The following GNA13 variants were observed in gnomAD, a reference collection of about 807,000 sequenced individuals.
The protein encoded by GNA13 is guanine nucleotide-binding protein subunit alpha-13.
A neutral mutation model predicts 33.5 loss-of-function variants in GNA13; 4 were observed. The ratio of observed to expected loss-of-function variants is 0.12; its 90% confidence interval spans 0.06 to 0.27. The LOEUF (loss-of-function observed/expected upper bound fraction) is 0.27. Ranked by LOEUF, GNA13 falls within the 10% of genes least tolerant of loss-of-function variation. The pLI, the probability that GNA13 is intolerant of heterozygous loss-of-function variation, is 1.00. For synonymous variants in GNA13, 176 were observed against 183.8 expected (o/e 0.96, Z 0.34); for missense variants, 319 against 487.2 (o/e 0.65, Z 3.25).
At chr17:65,025,189 C>T (rs1435486992) in intron 2 of GNA13, among the ~76,000 whole-genome samples, 1 of 152,162 alleles carries the variant, frequency 6.6e-6, no homozygotes, top group African/African-American at 2.4e-5. Flanking sequence ...TGAGCCACTA[C>T]ACCCAGCTGT....
At chr17:65,021,341 G>A (rs879291352) in intron 2 of GNA13, among the ~76,000 whole-genome samples, 1 of 152,136 alleles carries the variant, frequency 6.6e-6, no homozygotes, top group Non-Finnish European at 1.5e-5. Flanking sequence ...GTCTAAGCTG[G>A]GAATGGCTTC....
At chr17:65,042,703 C>CT (rs1163936173) in intron 2 of GNA13, among the ~76,000 whole-genome samples, 1 of 152,062 alleles carries the variant, frequency 6.6e-6, no homozygotes, top group Non-Finnish European at 1.5e-5. Context: ...CGCCACTGCA[C>CT]TCCAGCCTGG....
rs546845469 is a variant in GNA13, at chr17:65,010,051, CCTT to C, written c.*4203_*4205del. Reference sequence around the variant, plus strand: ...AGATTTGTATATGTCACAAAACTCTCCTTATCAAGACATAAAATATTGCCATAT... The same window carrying C: ...AGATTTGTATATGTCACAAAACTCTCATCAAGACATAAAATATTGCCATAT... On this transcript the variant is annotated 3_prime_UTR_variant, in exon 4 of 4. Transcript: ENST00000439174. Among the ~76,000 whole-genome samples the C allele has an allele frequency of 1.1e-4, 17 of 152,306 alleles. No homozygotes were observed. Among genetic ancestry groups the C allele is most frequent in the Admixed American group, 2.6e-4 (4 of 15,302 alleles).
At chr17:65,047,117 T>A (rs551410129) in intron 2 of GNA13, among the ~76,000 whole-genome samples, 6 of 152,240 alleles carry the variant, frequency 3.9e-5, no homozygotes, top group Non-Finnish European at 7.3e-5. Flanking sequence ...AAAAACTTCA[T>A]TTTTAACGTA....
rs370649169 is a variant in GNA13 at position 65,014,868 on chromosome 17, G to A, written c.562-39C>T. ...AACTTGTTTTATACCTATTAATCCCGAAGTAATGCGAATTTTTAATGGACT... is the reference window on the plus strand; with the variant it reads ...AACTTGTTTTATACCTATTAATCCCAAAGTAATGCGAATTTTTAATGGACT... On this transcript the variant is annotated intron_variant, in intron 3 of 3. Transcript: ENST00000439174. The surrounding 1 kb of genome is among the most constrained non-coding windows in gnomAD (Gnocchi z 5.3). The A allele has an allele frequency of 2.2e-5, 27 of 1,253,400 alleles. No individual in the cohort carries two copies. Among genetic ancestry groups the A allele is most frequent in the African/African-American group, 7.5e-5 (5 of 66,540 alleles). The allele number at this position is 1,253,400 out of a possible 1,614,324, so 77.6% of individuals were successfully genotyped here.
At chr17:65,056,246 C>CCCCGCCG in intron 1 of GNA13, 65 bp downstream of exon 1, 2 of 1,031,290 alleles carry the variant, frequency 1.9e-6, no homozygotes, top group Non-Finnish European at 2.8e-6. Flanking sequence ...GGTGCCCCGC[C>CCCCGCCG]CCGCACCCGC....
intron 1 of GNA13, 38 bp downstream of exon 1, chr17:65,056,273 C>CCCA: frequency 1.4e-6 from 2 of 1,428,248 alleles, no homozygotes; most frequent in Non-Finnish European, 1.9e-6. Flanking sequence ...CCCAGCCCCC[C>CCCA]TGCCCTTAAC....
chr17:65,056,722 G>C lies in GNA13; in HGVS notation c.-129C>G. 1.8e-6 allele frequency: 1 copy of C among 544,306 alleles called. No homozygotes were observed. Among genetic ancestry groups the C allele is most frequent in the Non-Finnish European group, 2.8e-6 (1 of 360,962 alleles). 33.7% of individuals were successfully genotyped at this position (544,306 alleles called of 1,614,324 possible). Reference sequence around the variant, plus strand: ...GCGGCGGCCCGAGCGCGCCCAGGGAGGGAGGGAACCAGCGAACTGACTCGC... The same window carrying C: ...GCGGCGGCCCGAGCGCGCCCAGGGACGGAGGGAACCAGCGAACTGACTCGC... On this transcript the variant is annotated 5_prime_UTR_variant, in exon 1 of 4. Transcript: ENST00000439174.
chr17:65,040,030 T>C (rs1462273280), intron 2 of GNA13, among the ~76,000 whole-genome samples: 1 of 152,148 alleles, frequency 6.6e-6, no homozygotes, highest in East Asian at 1.9e-4. Context: ...AAATATCACA[T>C]GAACATATTC....
rs900334057 is a variant in GNA13 at position 65,053,315 on chromosome 17, A to G, written c.510+187T>C. The G allele has an allele frequency of 1.9e-5, 11 of 582,576 alleles. No homozygotes were observed. In the Admixed American group the frequency reaches 2.5e-4, roughly 13 times the overall value. 36.1% of individuals were successfully genotyped at this position (582,576 alleles called of 1,614,324 possible). A position where few individuals can be genotyped will look rare whatever the true frequency, so the allele number is the denominator to read the frequency against. On this transcript the variant is annotated intron_variant, in intron 2 of 3. Transcript: ENST00000439174. ...TAGCCTAAAGGTAATTTTATACACT[A>G]TTTTTACACGTAGTCATTAGAGACT...
At chr17:65,034,957 G>C (rs1348670576) in intron 2 of GNA13, among the ~76,000 whole-genome samples, 2 of 152,048 alleles carry the variant, frequency 1.3e-5, no homozygotes, top group Admixed American at 6.6e-5. Context: ...GGCTAATTTT[G>C]TATTTTTAGT....
In GNA13 at chr17:65,056,648, C is replaced by T; in HGVS notation, c.-55G>A. The T allele has an allele frequency of 6.8e-7, 1 of 1,465,252 alleles. No individual in the cohort carries two copies. Among genetic ancestry groups the T allele is most frequent in the Non-Finnish European group, 9.1e-7 (1 of 1,097,754 alleles). 90.8% of individuals were successfully genotyped at this position (1,465,252 alleles called of 1,614,324 possible). A position where few individuals can be genotyped will look rare whatever the true frequency, so the allele number is the denominator to read the frequency against. On this transcript the variant is annotated 5_prime_UTR_variant, in exon 1 of 4. Coordinates refer to ENST00000439174, the MANE Select transcript of GNA13 (RefSeq NM_006572.6). ...CCCCTCCGGCTCCCTCCACCTCCTCCTCCGGCGGCGGGCGGCTCCGGCACC... is the reference window on the plus strand; with the variant it reads ...CCCCTCCGGCTCCCTCCACCTCCTCTTCCGGCGGCGGGCGGCTCCGGCACC...
intron 3 of GNA13, among the ~76,000 whole-genome samples, chr17:65,017,737 C>CA (rs1412143814): frequency 6.6e-6 from 1 of 152,088 alleles, no homozygotes; most frequent in Non-Finnish European, 1.5e-5. Context: ...TGACTCGACA[C>CA]AAAGGGGGCA....
intron 2 of GNA13, among the ~76,000 whole-genome samples, chr17:65,019,720 A>G (rs771600092): frequency 1.1e-4 from 17 of 152,210 alleles, no homozygotes; most frequent in Admixed American, 3.3e-4. Flanking sequence ...TAATAGGTAC[A>G]AAAGATAGTT....
intron 2 of GNA13, among the ~76,000 whole-genome samples, chr17:65,024,363 A>C (rs1445883460): frequency 6.6e-6 from 1 of 152,230 alleles, no homozygotes; most frequent in Non-Finnish European, 1.5e-5. Flanking sequence ...TTTGCAACTG[A>C]CTCTGACAAA....
intron 1 of GNA13, among the ~76,000 whole-genome samples, chr17:65,054,942 G>A (rs1443832297): frequency 6.6e-6 from 1 of 152,070 alleles, no homozygotes; most frequent in African/African-American, 2.4e-5. Context: ...TAACTGCAGA[G>A]GTACTAGGGC....
chr17:65,023,077 C>T (rs1028109241), intron 2 of GNA13, among the ~76,000 whole-genome samples: 2 of 152,170 alleles, frequency 1.3e-5, no homozygotes, highest in African/African-American at 2.4e-5. Context: ...GGAAGAGCTA[C>T]GTGTGAGAGT....
chr17:65,035,016 C>T (rs1471351994), intron 2 of GNA13, among the ~76,000 whole-genome samples: 2 of 151,992 alleles, frequency 1.3e-5, no homozygotes, highest in Admixed American at 6.6e-5. Flanking sequence ...AACGCCCGAC[C>T]TCAGGTGATC....
At chr17:65,018,208 G>C (rs200073980) in intron 3 of GNA13, 45 bp downstream of exon 3, 1 of 932,564 alleles carries the variant, frequency 1.1e-6, no homozygotes, top group Non-Finnish European at 1.7e-6. Flanking sequence ...CCTGACTTCT[G>C]CTTTCAAATG....
Sources: allele counts gnomAD v4.1 joint callset (sites outside exome capture counted in the v4.1 genomes callset), GRCh38; gene constraint gnomAD v4.1.1; non-coding constraint Gnocchi (gnomAD v3.1); transcripts MANE v1.5; gene names NCBI Gene and HGNC (gene_info 2026-07-23, HGNC 2026-07-21).